ATXN3: variants seen among roughly 807,000 people sequenced by gnomAD.
The protein encoded by ATXN3 is ataxin-3.
ATXN3 carries 28 observed loss-of-function variants against 58.2 expected under a neutral mutation model. The ratio of observed to expected loss-of-function variants is 0.48; its 90% confidence interval spans 0.36 to 0.66. The LOEUF is 0.66. Among genes scored for constraint, ATXN3 ranks in the 30% least tolerant of loss-of-function variants. ATXN3 has a pLI of 0.00. For missense variants in ATXN3, 321 were observed against 422.1 expected, an observed-to-expected ratio of 0.76 and a Z score of 2.10; for synonymous variants, 113 against 138.5, an observed-to-expected ratio of 0.82 and a Z score of 1.29.
In ATXN3 at chr14:92,083,142, G is replaced by T. The variant is rs1405338196; in HGVS notation, c.592C>A (p.Gln198Lys). The T allele has an allele frequency of 6.2e-7, 1 of 1,611,426 alleles. No homozygotes were observed. Among genetic ancestry groups the T allele is most frequent in the Non-Finnish European group, 8.5e-7 (1 of 1,179,400 alleles). ...CATTTTTACCTTTGCTCTTTTAGTT[G>T]TGCTAATTCTTCTCCAATAAGTTTT... ...RPKLIGEELA[Q>K]LKEQRVHKTD... The change falls in exon 7 of 11, where the codon CAA becomes AAA. Residue 198 changes from glutamine to lysine, a missense_variant. This residue lies in a region of ATXN3 where 200 missense variants were observed against 223.2 expected (regional missense o/e 0.90). Coordinates refer to ENST00000644486, the MANE Select transcript of ATXN3 (RefSeq NM_004993.6).
At chr14:92,049,540 A>T (rs2057440770) in intron 1 of ATXN3, 1 of 155,016 alleles carries the variant, frequency 6.5e-6, no homozygotes, top group Admixed American at 6.5e-5. Flanking sequence ...GGACAGGGAG[A>T]TTGAAGGGTA....
At chr14:92,081,465 C>CAAAAAAAAAAAAAAAAAAAAA (rs58398762) in intron 8 of ATXN3, among the ~76,000 whole-genome samples, 51 of 82,884 alleles carry the variant, frequency 6.2e-4, no homozygotes, top group Non-Finnish European at 8.7e-4. Context: ...GACTCTGACT[C>CAAAAAAAAAAAAAAAAAAAAA]AAAAAAAAAA....
At chr14:92,099,770 G>A (rs983869579) in intron 1 of ATXN3, among the ~76,000 whole-genome samples, 1 of 152,158 alleles carries the variant, frequency 6.6e-6, no homozygotes, top group Non-Finnish European at 1.5e-5. Context: ...GGGAGGCTGA[G>A]AAAGGAGGAT....
At chr14:92,095,422 T>C (rs2064973058) in intron 3 of ATXN3, among the ~76,000 whole-genome samples, 1 of 151,868 alleles carries the variant, frequency 6.6e-6, no homozygotes, top group Non-Finnish European at 1.5e-5. Context: ...TTTTGTATTT[T>C]TAGTAGAGAC....
Position 92,093,945 on chromosome 14 carries a change from T to G in ATXN3, c.235-114A>C, listed in dbSNP as rs1056924357. 15 of 108,074 alleles carry G rather than the reference T, an allele frequency of 1.4e-4. No individual in the cohort carries two copies. The South Asian group carries it at 1.5e-3, about 11-fold the overall frequency. 6.7% of individuals were successfully genotyped at this position (108,074 alleles called of 1,614,324 possible). A position where few individuals can be genotyped will look rare whatever the true frequency, so the allele number is the denominator to read the frequency against. ...ATAAATTTCTCTAGAAGGCTATAGG[T>G]TTTTTTTTTTTTTTTTGTGACAGAG... On this transcript the variant is annotated intron_variant, in intron 3 of 10. Coordinates refer to ENST00000644486, the MANE Select transcript of ATXN3 (RefSeq NM_004993.6).
At chr14:92,052,875 C>T (rs2057453403), upstream of ATXN3, among the ~76,000 whole-genome samples, 1 of 152,194 alleles carries the variant, frequency 6.6e-6, no homozygotes, top group Non-Finnish European at 1.5e-5. Context: ...TTGATAGGCT[C>T]CTCTTGCTTG....
chr14:92,082,501 A>T lies in ATXN3; in HGVS notation c.609-35T>A, dbSNP rs1181982380. ...AAAAGCACTGGTAATAACTGCAACC[A>T]ATCTTCTATTTTAGACATAACATAA... is the stretch of plus-strand genomic sequence containing the variant. On this transcript the variant is annotated intron_variant, in intron 7 of 10. Transcript: ENST00000644486. The T allele has an allele frequency of 2.6e-6, 4 of 1,565,394 alleles. No homozygotes were observed. The East Asian group carries it at 6.8e-5, about 26-fold the overall frequency.
chr14:92,067,094 G>GA (rs2058589457), intron 10 of ATXN3, among the ~76,000 whole-genome samples: 1 of 151,776 alleles, frequency 6.6e-6, no homozygotes, highest in East Asian at 1.9e-4. Context: ...TTCAGCACTA[G>GA]AAAAAATGTT....
intron 4 of ATXN3, 41 bp from the exon 5 acceptor site, chr14:92,093,359 T>C: frequency 9.8e-7 from 1 of 1,020,128 alleles, no homozygotes; most frequent in Non-Finnish European, 1.5e-6. Flanking sequence ...AAATATTGAA[T>C]TCATATTTAT....
chr14:92,065,970 T>C (rs2058323263), intron 10 of ATXN3, among the ~76,000 whole-genome samples: 2 of 152,154 alleles, frequency 1.3e-5, no homozygotes, highest in South Asian at 4.1e-4. Context: ...TCTAAATGTT[T>C]GTTTTTCTTT....
chr14:92,099,271 T>C (rs2066143083), intron 1 of ATXN3, among the ~76,000 whole-genome samples: 1 of 152,194 alleles, frequency 6.6e-6, no homozygotes, highest in Non-Finnish European at 1.5e-5. Flanking sequence ...ATATTTTTCC[T>C]GATGAATCAA....
intron 2 of ATXN3, among the ~76,000 whole-genome samples, chr14:92,045,752 C>T (rs933697306): frequency 8.5e-5 from 13 of 152,222 alleles, no homozygotes; most frequent in Non-Finnish European, 1.5e-4. Flanking sequence ...GCCTGTGAGG[C>T]TGGAAGGAGA....
At chr14:92,085,791 G>C (rs1212829769) in intron 6 of ATXN3, among the ~76,000 whole-genome samples, 1 of 152,150 alleles carries the variant, frequency 6.6e-6, no homozygotes, top group Non-Finnish European at 1.5e-5. Context: ...TAGATGTCAA[G>C]ACTAAAGATA....
chr14:92,096,426 C>A, intron 2 of ATXN3: 2 of 860,850 alleles, frequency 2.3e-6, no homozygotes, highest in Non-Finnish European at 3.5e-6. Context: ...AGTTTGAGAC[C>A]AACCTGACCA....
At chr14:92,089,250 C>T (rs182317909) in intron 5 of ATXN3, among the ~76,000 whole-genome samples, 15 of 151,408 alleles carry the variant, frequency 9.9e-5, no homozygotes, top group Admixed American at 9.9e-4. Flanking sequence ...AACTCCTGAC[C>T]TCAAATGATC....
chr14:92,046,741 T>A (rs563938153), intron 2 of ATXN3, among the ~76,000 whole-genome samples: 27 of 152,276 alleles, frequency 1.8e-4, no homozygotes, highest in African/African-American at 6.3e-4. Flanking sequence ...GGCAAAGGTA[T>A]CCAACCATGC....
In ATXN3 at chr14:92,065,525, G is replaced by A. The variant is rs138626759; in HGVS notation, c.992-1111C>T. Among the ~76,000 whole-genome samples, 1,106 of 151,472 alleles carry A rather than the reference G, an allele frequency of 7.3e-3. 16 individuals carry two copies. Among genetic ancestry groups the A allele is most frequent in the African/African-American group, 0.025 (1,039 of 41,148 alleles). On this transcript the variant is annotated intron_variant, in intron 10 of 10. Transcript: ENST00000644486. ...GAGGCAGGCAGATTGCTTGAGCCCA[G>A]GAGTTCAAGACCAGCCTGGGCAATT...
Position 92,083,193 on chromosome 14 carries a change from T to C in ATXN3, c.541A>G (p.Ile181Val), listed in dbSNP as rs374466872. 4 of 1,613,772 alleles carry C rather than the reference T, an allele frequency of 2.5e-6. No homozygotes were observed. Among genetic ancestry groups the C allele is most frequent in the Non-Finnish European group, 3.4e-6 (4 of 1,179,970 alleles). Residue 181 changes from isoleucine to valine, a missense_variant, in exon 7 of 11, where the codon ATT (isoleucine) becomes GTT (valine). By Grantham distance (29) the Ile-to-Val change is conservative. This residue lies in a region of ATXN3 where 200 missense variants were observed against 223.2 expected (regional missense o/e 0.90). Coordinates refer to ENST00000644486, the MANE Select transcript of ATXN3 (RefSeq NM_004993.6). ...GGTCGATGCATCTGTTGGACCCTAA[T>C]CATCTGCAGGAGTTGGTCAGCTTCG... ...DCEADQLLQM[I>V]RVQQMHRPKL...
At chr14:92,093,942 AGG>A in intron 3 of ATXN3, 111 bp from the exon 4 acceptor site, 1 of 525,234 alleles carries the variant, frequency 1.9e-6, no homozygotes, top group Non-Finnish European at 3.3e-6. Flanking sequence ...AGAAGGCTAT[AGG>A]TTTTTTTTTT....
Sources: gnomAD v4.1 joint callset for allele counts (sites outside exome capture counted in the v4.1 genomes callset) on GRCh38, gnomAD v4.1.1 for gene constraint, gnomAD v4.1.1 regional missense constraint, MANE v1.5 for transcripts, NCBI Gene and HGNC (gene_info 2026-07-23, HGNC 2026-07-21) for gene names.